The following CNGB3 variants were observed in gnomAD, a reference collection of about 807,000 sequenced individuals.
CNGB3 encodes the protein cyclic nucleotide-gated channel beta-3.
A neutral mutation model predicts 92.8 loss-of-function variants in CNGB3; 86 were observed. The ratio of observed to expected loss-of-function variants is 0.93; its 90% CI spans 0.78 to 1.11. The LOEUF is 1.11. CNGB3 is among the 50% of genes least tolerant of loss of function. The probability of loss-of-function intolerance (pLI) is 0.00; values close to 1 mark genes in which losing one functional copy is unlikely to be tolerated. For missense variants in CNGB3, 1,026 were observed against 956.8 expected, an observed-to-expected ratio of 1.07 and a Z score of -0.95; for synonymous variants, 333 against 332.7, an observed-to-expected ratio of 1.00 and a Z score of -0.01.
At chr8:86,588,504 A>G (rs200289460) in intron 15 of CNGB3, among the ~76,000 whole-genome samples, 4,348 of 149,188 alleles carry the variant, frequency 0.029, 112 homozygotes, top group African/African-American at 0.074. Context: ...TTATTTTGAA[A>G]TATGTCCCAT....
At chr8:86,596,661 G>A (rs2131552360) in intron 15 of CNGB3, among the ~76,000 whole-genome samples, 1 of 152,314 alleles carries the variant, frequency 6.6e-6, no homozygotes, top group Admixed American at 6.5e-5. Flanking sequence ...GTGTCTAGCA[G>A]GACCCCTTGG....
chr8:86,602,089 C>T (rs776082656), intron 15 of CNGB3, among the ~76,000 whole-genome samples: 67 of 152,288 alleles, frequency 4.4e-4, no homozygotes, highest in Non-Finnish European at 8.7e-4. Flanking sequence ...TAATTAATTT[C>T]TGCAGTGTTT....
intron 6 of CNGB3, chr8:86,659,686 T>C: frequency 2.3e-6 from 1 of 429,152 alleles, no homozygotes; most frequent in South Asian, 1.9e-5. Context: ...GGCAGCATGC[T>C]GAGTGTAATA....
intron 3 of CNGB3, among the ~76,000 whole-genome samples, chr8:86,685,082 T>C (rs1824159675): frequency 6.6e-6 from 1 of 152,134 alleles, no homozygotes. Context: ...GTTGTGAGAT[T>C]ATTGTACTAT....
intron 17 of CNGB3, 98 bp downstream of exon 17, chr8:86,578,591 T>C (rs562300361): frequency 2.5e-5 from 28 of 1,138,362 alleles, no homozygotes; most frequent in Middle Eastern, 5.7e-4. Context: ...GTCCAAATCA[T>C]CCCAGTGTCT....
Position 86,689,956 on chromosome 8 carries a change from C to G in CNGB3, c.339-18858G>C, listed in dbSNP as rs559811266. Among the ~76,000 whole-genome samples the G allele has an allele frequency of 7.9e-5, 12 of 152,264 alleles. No homozygotes were observed. In the South Asian group the frequency reaches 2.5e-3, roughly 32 times the overall value. On this transcript the variant is annotated intron_variant, in intron 3 of 17. Coordinates refer to ENST00000320005, the MANE Select transcript of CNGB3 (RefSeq NM_019098.5). The stretch of plus-strand genomic sequence containing the variant: ...ATGTGCCACATTTTCTTAATCCAGT[C>G]TATCATTGTTGGACATTTGGGTTGG...
At chr8:86,660,094 T>C in intron 6 of CNGB3, 1 of 316,990 alleles carries the variant, frequency 3.2e-6, no homozygotes, top group Non-Finnish European at 6.5e-6. Flanking sequence ...CAGACAGTTG[T>C]AGAGGAGAAA....
chr8:86,624,610 T>A (rs981736230), intron 13 of CNGB3, among the ~76,000 whole-genome samples: 4 of 152,052 alleles, frequency 2.6e-5, no homozygotes, highest in Admixed American at 6.6e-5. Flanking sequence ...TCATCCATCC[T>A]CCCGTAATAT....
chr8:86,589,161 A>G (rs1684816174), intron 15 of CNGB3, among the ~76,000 whole-genome samples: 1 of 149,016 alleles, frequency 6.7e-6, no homozygotes, highest in African/African-American at 2.5e-5. Flanking sequence ...GGTAGTTTGT[A>G]TTTCTGTGGG....
chr8:86,650,857 G>T (rs561342745), intron 7 of CNGB3, among the ~76,000 whole-genome samples: 1 of 151,670 alleles, frequency 6.6e-6, no homozygotes, highest in African/African-American at 2.4e-5. Flanking sequence ...AAAGACACAC[G>T]CACATATAGG....
At chr8:86,581,118 A>G (rs1821755363) in intron 15 of CNGB3, among the ~76,000 whole-genome samples, 1 of 152,238 alleles carries the variant, frequency 6.6e-6, no homozygotes, top group South Asian at 2.1e-4. Context: ...CCTTACAACA[A>G]GAAAAAGCTG....
At chr8:86,679,968 AG>A (rs1172905177) in intron 3 of CNGB3, among the ~76,000 whole-genome samples, 1 of 152,204 alleles carries the variant, frequency 6.6e-6, no homozygotes, top group Non-Finnish European at 1.5e-5. Flanking sequence ...CGGCTTCACC[AG>A]AACCGAGTCT....
chr8:86,668,505 T>C (rs1823792912), intron 4 of CNGB3, among the ~76,000 whole-genome samples: 1 of 152,164 alleles, frequency 6.6e-6, no homozygotes, highest in African/African-American at 2.4e-5. Context: ...AAAACTTGAA[T>C]TTCTTAAAGT....
At chr8:86,608,964 G>C (rs1371730240) in intron 14 of CNGB3, among the ~76,000 whole-genome samples, 4 of 152,162 alleles carry the variant, frequency 2.6e-5, no homozygotes, top group African/African-American at 9.7e-5. Context: ...TCCTAGTCTT[G>C]TGTCTTTATT....
chr8:86,621,966 A>T (rs1822741019), intron 13 of CNGB3, among the ~76,000 whole-genome samples: 1 of 152,116 alleles, frequency 6.6e-6, no homozygotes. Flanking sequence ...GAATCGCTTG[A>T]ACCCGGGAGG....
At chr8:86,689,519 CTTTTTA>C (rs1824262038) in intron 3 of CNGB3, among the ~76,000 whole-genome samples, 2 of 149,160 alleles carry the variant, frequency 1.3e-5, no homozygotes, top group East Asian at 1.9e-4. Context: ...ATTTTTTTTA[CTTTTTA>C]TTTTTATTAT....
At chr8:86,729,302 T>C (rs1825120207) in intron 2 of CNGB3, among the ~76,000 whole-genome samples, 1 of 152,206 alleles carries the variant, frequency 6.6e-6, no homozygotes, top group Admixed American at 6.6e-5. Context: ...GTATTAACTT[T>C]TCTGCTAGTA....
At chr8:86,659,784 T>C (rs1823596663) in intron 6 of CNGB3, 1 of 376,728 alleles carries the variant, frequency 2.7e-6, no homozygotes, top group Non-Finnish European at 5.2e-6. Flanking sequence ...GGCTCCCTGC[T>C]TTCAGTTGCT....
chr8:86,628,845 T>A (rs1822901767), intron 12 of CNGB3, 74 bp downstream of exon 12: 1 of 1,496,852 alleles, frequency 6.7e-7, no homozygotes, highest in Admixed American at 1.7e-5. Context: ...ATCCAACTAG[T>A]CTCTGCTACC....
Sources: gnomAD v4.1 joint callset for allele counts (sites outside exome capture counted in the v4.1 genomes callset) on GRCh38, gnomAD v4.1.1 for gene constraint, MANE v1.5 for transcripts, NCBI Gene and HGNC (gene_info 2026-07-23, HGNC 2026-07-21) for gene names.